The following R3HDM2 variants were observed in gnomAD, a reference collection of about 807,000 sequenced individuals.
The protein encoded by R3HDM2 is R3H domain-containing protein 2.
Under a neutral mutation model 124.5 loss-of-function variants are expected in R3HDM2, and 38 were observed. The observed-to-expected ratio is 0.31, with a 90% CI of 0.24 to 0.40. R3HDM2 has a LOEUF of 0.40. R3HDM2 is among the 10% of genes least tolerant of loss of function. R3HDM2 has a pLI of 1.00. For missense variants in R3HDM2, 869 were observed against 1,236.9 expected, an observed-to-expected ratio of 0.70 and a Z score of 4.46; for synonymous variants, 391 against 448.0, an observed-to-expected ratio of 0.87 and a Z score of 1.61.
chr12:57,274,351 G>A (rs1017229618), intron 14 of R3HDM2, among the ~76,000 whole-genome samples: 2 of 152,188 alleles, frequency 1.3e-5, no homozygotes, highest in African/African-American at 2.4e-5. Flanking sequence ...GCACATGCCT[G>A]TAGTCCCAGC....
At chr12:57,275,269 T>C (rs2044414903) in intron 14 of R3HDM2, among the ~76,000 whole-genome samples, 1 of 152,138 alleles carries the variant, frequency 6.6e-6, no homozygotes, top group Admixed American at 6.5e-5. Context: ...TAGCCACATG[T>C]AGGAGAATGA....
chr12:57,255,045 A>G lies in R3HDM2; in HGVS notation c.2701T>C (p.Phe901Leu). ...GCGCCAGACATGGCGAGCTGCGTGA[A>G]GAGTTTGTCCGCCTCAGTACGGGTG... Reference protein sequence around the residue: ...GITRTEADKLFTQLAMSGAKI... With the variant: ...GITRTEADKLLTQLAMSGAKI... Residue 901 changes from phenylalanine to leucine, a missense_variant, in exon 24 of 24, where the codon TTC (phenylalanine) becomes CTC (leucine). Coordinates refer to ENST00000402412, the MANE Select transcript of R3HDM2 (RefSeq NM_001394031.1). 6.2e-7 allele frequency: 1 copy of G among 1,613,878 alleles called. No homozygotes were observed. Among genetic ancestry groups the G allele is most frequent in the Non-Finnish European group, 8.5e-7 (1 of 1,179,952 alleles).
intron 20 of R3HDM2, among the ~76,000 whole-genome samples, chr12:57,258,358 T>A (rs933478538): frequency 4.4e-5 from 6 of 135,886 alleles, no homozygotes; most frequent in Admixed American, 2.2e-4. Flanking sequence ...TTATTTATTT[T>A]GAGATGGAGT....
rs1433324159 is a variant in R3HDM2 at position 57,268,913 on chromosome 12, T to G, written c.1875+9A>C. ...TGGGGTGATCCTTCCCAATGCAGAA[T>G]GCACCCACTTGGTAAGAAGGCAGTG... On this transcript the variant is annotated intron_variant, in intron 17 of 23. Transcript: ENST00000402412. 6.2e-7 allele frequency: 1 copy of G among 1,613,216 alleles called. No homozygotes were observed. Among genetic ancestry groups the G allele is most frequent in the Non-Finnish European group, 8.5e-7 (1 of 1,179,684 alleles).
intron 2 of R3HDM2, among the ~76,000 whole-genome samples, chr12:57,366,920 C>T (rs1022370953): frequency 1.3e-5 from 2 of 152,106 alleles, no homozygotes; most frequent in Non-Finnish European, 2.9e-5. Flanking sequence ...TCGATCTGAC[C>T]TCATGATCCG....
intron 1 of R3HDM2, among the ~76,000 whole-genome samples, chr12:57,410,114 T>C (rs1210241070): frequency 1.3e-5 from 2 of 152,112 alleles, no homozygotes; most frequent in East Asian, 3.9e-4. Context: ...AGCAACAAGA[T>C]CCTACTTTTC....
chr12:57,335,789 C>A (rs2058783020), intron 2 of R3HDM2, among the ~76,000 whole-genome samples: 1 of 151,754 alleles, frequency 6.6e-6, no homozygotes, highest in Non-Finnish European at 1.5e-5. Context: ...AGGTGTTAGC[C>A]AGGCATGGTG....
Position 57,253,921 on chromosome 12 carries a change from A to G in R3HDM2, c.*852T>C. ...TAAATACTGTGTCTGTTACTGCGGC[A>G]CGAACCTCAAACAAACAATATACAA... On this transcript the variant is annotated 3_prime_UTR_variant, in exon 24 of 24. Coordinates refer to ENST00000402412, the MANE Select transcript of R3HDM2 (RefSeq NM_001394031.1). The G allele has an allele frequency of 3.4e-6, 1 of 290,696 alleles. No homozygotes were observed. The highest frequency in any genetic ancestry group is 6.5e-6 in the Non-Finnish European group (1 of 153,288). 18.0% of individuals were successfully genotyped at this position (290,696 alleles called of 1,614,324 possible). A position where few individuals can be genotyped will look rare whatever the true frequency, so the allele number is the denominator to read the frequency against.
chr12:57,426,632 G>A (rs1447353403), intron 1 of R3HDM2, among the ~76,000 whole-genome samples: 1 of 152,176 alleles, frequency 6.6e-6, no homozygotes, highest in East Asian at 1.9e-4. Context: ...GGAAGAGCAT[G>A]AAGTAGGTAA....
chr12:57,358,036 T>C (rs1026164675), intron 2 of R3HDM2, among the ~76,000 whole-genome samples: 2 of 151,688 alleles, frequency 1.3e-5, no homozygotes, highest in African/African-American at 4.8e-5. Flanking sequence ...TGGAGTGTAG[T>C]GGCACGATCT....
At chr12:57,393,916 A>G (rs2067104357) in intron 2 of R3HDM2, among the ~76,000 whole-genome samples, 1 of 152,242 alleles carries the variant, frequency 6.6e-6, no homozygotes. Context: ...AAATCCAGCA[A>G]AACTATCCTT....
At chr12:57,368,752 C>G (rs2062955989) in intron 2 of R3HDM2, among the ~76,000 whole-genome samples, 1 of 152,148 alleles carries the variant, frequency 6.6e-6, no homozygotes, top group African/African-American at 2.4e-5. Context: ...GCCCATATAT[C>G]TCTTCTCTTG....
intron 1 of R3HDM2, among the ~76,000 whole-genome samples, chr12:57,421,340 G>T (rs1239612203): frequency 6.7e-6 from 1 of 150,250 alleles, no homozygotes; most frequent in Non-Finnish European, 1.5e-5. Context: ...TAGTAGAGAT[G>T]GGTTTCTCCA....
chr12:57,410,283 T>C (rs191043848), intron 1 of R3HDM2, among the ~76,000 whole-genome samples: 5 of 124,106 alleles, frequency 4.0e-5, no homozygotes, highest in Admixed American at 3.0e-4. Flanking sequence ...AATACATCAA[T>C]AGATCTTCAC....
At position 57,288,997 on chromosome 12, in the gene R3HDM2, A is replaced by G. The variant is rs763121281; in HGVS notation, c.938+12T>C. 6.5e-7 allele frequency: 1 copy of G among 1,549,530 alleles called. No individual in the cohort carries two copies. Among genetic ancestry groups the G allele is most frequent in the African/African-American group, 1.4e-5 (1 of 73,004 alleles). ...TCAATGAGAAGCAGGGAACATGCTAAGTGGTACTAACCTGATGTCATTTAG... is the reference window on the plus strand; with the variant it reads ...TCAATGAGAAGCAGGGAACATGCTAGGTGGTACTAACCTGATGTCATTTAG... On this transcript the variant is annotated intron_variant, in intron 12 of 23. Coordinates refer to ENST00000402412, the MANE Select transcript of R3HDM2 (RefSeq NM_001394031.1).
chr12:57,316,183 G>A (rs892443453), intron 2 of R3HDM2, among the ~76,000 whole-genome samples: 3 of 152,214 alleles, frequency 2.0e-5, no homozygotes, highest in African/African-American at 7.2e-5. Flanking sequence ...TGAGAAAAAT[G>A]AAGCAGCAGA....
At chr12:57,348,791 G>A (rs1440361665) in intron 2 of R3HDM2, among the ~76,000 whole-genome samples, 1 of 151,244 alleles carries the variant, frequency 6.6e-6, no homozygotes, top group Non-Finnish European at 1.5e-5. Context: ...GCTAGGGCAG[G>A]AAGATCACTT....
chr12:57,313,537 C>T (rs1307182571), intron 2 of R3HDM2, among the ~76,000 whole-genome samples: 1 of 148,392 alleles, frequency 6.7e-6, no homozygotes, highest in African/African-American at 2.5e-5. Context: ...GCACTACAGC[C>T]TAGGCAACAG....
chr12:57,295,736 G>A (rs2049656626), intron 9 of R3HDM2: 1 of 489,956 alleles, frequency 2.0e-6, no homozygotes, highest in African/African-American at 1.9e-5. Context: ...TCAGTGAAGT[G>A]AAGAGAGGCT....
Sources: gnomAD v4.1 joint callset for allele counts (sites outside exome capture counted in the v4.1 genomes callset) on GRCh38, gnomAD v4.1.1 for gene constraint, MANE v1.5 for transcripts, NCBI Gene and HGNC (gene_info 2026-07-23, HGNC 2026-07-21) for gene names.